Variants in PLEKHG1 observed in about 807,000 individuals in gnomAD.
PLEKHG1 encodes the protein pleckstrin homology domain-containing family G member 1.
In PLEKHG1, 44 loss-of-function variants were observed where a neutral mutation model predicts 100.8. The ratio of observed to expected loss-of-function variants is 0.44; its 90% CI spans 0.34 to 0.56. PLEKHG1 has a LOEUF of 0.56. Among genes scored for constraint, PLEKHG1 ranks in the 20% least tolerant of loss-of-function variants. The pLI, the probability that PLEKHG1 is intolerant of heterozygous loss-of-function variation, is 0.01. For missense variants in PLEKHG1, 1,545 were observed against 1,720.9 expected, an observed-to-expected ratio of 0.90 and a Z score of 1.81; for synonymous variants, 640 against 662.5, an observed-to-expected ratio of 0.97 and a Z score of 0.52.
chr6:150,742,916 G>A (rs1417281254), intron 2 of PLEKHG1, among the ~76,000 whole-genome samples: 1 of 152,146 alleles, frequency 6.6e-6, no homozygotes, highest in African/African-American at 2.4e-5. Flanking sequence ...TTCAGGACAT[G>A]GCTTCTGAGG....
At chr6:150,680,585 G>A (rs1779897495) in intron 3 of PLEKHG1, among the ~76,000 whole-genome samples, 1 of 152,180 alleles carries the variant, frequency 6.6e-6, no homozygotes, top group African/African-American at 2.4e-5. Flanking sequence ...CAGGGAGGTG[G>A]AAAACCAGGA....
chr6:150,763,820 G>A (rs1401743558), intron 2 of PLEKHG1, among the ~76,000 whole-genome samples: 2 of 152,216 alleles, frequency 1.3e-5, no homozygotes, highest in African/African-American at 4.8e-5. Flanking sequence ...CACAGTGGAT[G>A]AGAAAGCATC....
chr6:150,819,020 C>A (rs953867514), intron 11 of PLEKHG1, among the ~76,000 whole-genome samples: 3 of 152,154 alleles, frequency 2.0e-5, no homozygotes, highest in Non-Finnish European at 4.4e-5. Context: ...CATCTCGCAT[C>A]CAACAGACCC....
rs58672381 is a variant in PLEKHG1, at chr6:150,822,150, C to CAAAAAAAAAA, written c.1447+936_1447+945dup. On this transcript the variant is annotated intron_variant, in intron 13 of 15. Coordinates refer to ENST00000358517, the Ensembl canonical transcript of PLEKHG1. ...GCCACCACGCCCAGCCCAAAGGACT[C>CAAAAAAAAAA]AAAAAAAAAAAAAAAAAAAAAAAAA... Among the ~76,000 whole-genome samples the CAAAAAAAAAA allele has an allele frequency of 5.2e-4, 19 of 36,738 alleles. 1 individual carries two copies. The highest frequency in any genetic ancestry group is 1.9e-3 in the South Asian group (1 of 530). The allele number at this position is 36,738 out of a possible 152,430, so 24.1% of individuals were successfully genotyped here.
intron 3 of PLEKHG1, among the ~76,000 whole-genome samples, chr6:150,678,723 G>T (rs1315745770): frequency 6.6e-6 from 1 of 152,148 alleles, no homozygotes; most frequent in Non-Finnish European, 1.5e-5. Flanking sequence ...TTTCAGGGTT[G>T]AATTACAAAT....
At chr6:150,728,633 C>G (rs191773771) in intron 1 of PLEKHG1, among the ~76,000 whole-genome samples, 12 of 151,086 alleles carry the variant, frequency 7.9e-5, no homozygotes, top group Admixed American at 6.6e-4. Context: ...CTCAGTGGCT[C>G]ACACCTGTAA....
At chr6:150,699,490 C>A (rs1780681270) in intron 3 of PLEKHG1, among the ~76,000 whole-genome samples, 1 of 152,212 alleles carries the variant, frequency 6.6e-6, no homozygotes, top group Non-Finnish European at 1.5e-5. Flanking sequence ...ACATTTTAGA[C>A]TCTGAGGTCT....
chr6:150,797,730 G>T (rs1786430582), intron 5 of PLEKHG1, among the ~76,000 whole-genome samples: 1 of 148,142 alleles, frequency 6.8e-6, no homozygotes, highest in African/African-American at 2.5e-5. Context: ...AGCTACTTGG[G>T]ATGCTGAGGC....
At chr6:150,771,412 A>G (rs1784708565) in intron 3 of PLEKHG1, among the ~76,000 whole-genome samples, 1 of 151,596 alleles carries the variant, frequency 6.6e-6, no homozygotes, top group African/African-American at 2.4e-5. Context: ...GTGAGACTCC[A>G]TCTTGAATGA....
rs754605505 is a variant in PLEKHG1 at position 150,831,592 on chromosome 6, A to G, written c.2481A>G (p.Val827=). The G allele has an allele frequency of 6.2e-7, 1 of 1,614,168 alleles. No individual in the cohort carries two copies. Among genetic ancestry groups the G allele is most frequent in the Non-Finnish European group, 8.5e-7 (1 of 1,180,026 alleles). Residue 827 remains valine (V), a synonymous_variant, in exon 15 of 16, where the codon GTA becomes GTG. Coordinates refer to ENST00000358517, the Ensembl canonical transcript of PLEKHG1. This position sits in a 1 kb window ranked among gnomAD's most constrained non-coding sequence, Gnocchi z 4.1. Reference sequence around the variant, plus strand: ...ACTTGTCTATGCCTCATAAGCCTGTATCTGATAAACTGTCCGAAGAAGTAG... The same window carrying G: ...ACTTGTCTATGCCTCATAAGCCTGTGTCTGATAAACTGTCCGAAGAAGTAG...
intron 4 of PLEKHG1, among the ~76,000 whole-genome samples, chr6:150,793,692 G>A (rs1391372899): frequency 2.0e-5 from 3 of 152,258 alleles, no homozygotes; most frequent in African/African-American, 4.8e-5. Context: ...ATTAGAGGAA[G>A]CACAAAACAG....
intron 10 of PLEKHG1, among the ~76,000 whole-genome samples, chr6:150,815,113 T>A (rs955209803): frequency 1.2e-4 from 18 of 152,238 alleles, no homozygotes; most frequent in Admixed American, 1.3e-4. Flanking sequence ...ACTTTCCACA[T>A]CTTTCCTCGA....
chr6:150,814,439 C>G (rs1787736037), intron 10 of PLEKHG1, among the ~76,000 whole-genome samples: 1 of 152,182 alleles, frequency 6.6e-6, no homozygotes, highest in Non-Finnish European at 1.5e-5. Context: ...GTTGTCGATC[C>G]TTTCTATCTA....
intron 1 of PLEKHG1, 142 bp from the exon 3 acceptor site, chr6:150,733,442 C>G (rs1782379670): frequency 1.5e-6 from 1 of 650,050 alleles, no homozygotes; most frequent in East Asian, 3.2e-5. Flanking sequence ...TCTCACTCCA[C>G]CACAGGTACC....
At chr6:150,614,453 G>A (rs537910416) in intron 1 of PLEKHG1, among the ~76,000 whole-genome samples, 2 of 152,310 alleles carry the variant, frequency 1.3e-5, no homozygotes, top group South Asian at 4.1e-4. Flanking sequence ...TAATAATAAT[G>A]GAGAAAGTGT....
At chr6:150,762,001 A>G (rs1249561506) in intron 2 of PLEKHG1, among the ~76,000 whole-genome samples, 1 of 152,136 alleles carries the variant, frequency 6.6e-6, no homozygotes, top group Non-Finnish European at 1.5e-5. Context: ...CAAGAAGGCC[A>G]TTCCTGACAT....
chr6:150,831,691 G>T lies in PLEKHG1; in HGVS notation c.2580G>T (p.Ala860=), dbSNP rs749882256. The T allele has an allele frequency of 1.9e-6, 3 of 1,612,790 alleles. No individual in the cohort carries two copies. The African/African-American group carries it at 4.0e-5, about 22-fold the overall frequency. ...AGGCCAGAGACCGTCTCCTGGCAGCGTTTCCTGTGAGCAAGGATGATGTGC... is the reference window on the plus strand; with the variant it reads ...AGGCCAGAGACCGTCTCCTGGCAGCTTTTCCTGTGAGCAAGGATGATGTGC... Residue 860 remains alanine (A), a synonymous_variant, in exon 15 of 16, where the codon GCG becomes GCT. Transcript: ENST00000358517. This position sits in a 1 kb window ranked among gnomAD's most constrained non-coding sequence, Gnocchi z 4.1.
chr6:150,716,890 C>T (rs1003348776), upstream of PLEKHG1, among the ~76,000 whole-genome samples: 4 of 152,108 alleles, frequency 2.6e-5, no homozygotes, highest in African/African-American at 9.7e-5. Flanking sequence ...CTTGCTCTGT[C>T]ACCCAGGCTG....
intron 3 of PLEKHG1, among the ~76,000 whole-genome samples, chr6:150,673,381 G>A (rs1225666693): frequency 1.3e-5 from 2 of 152,158 alleles, no homozygotes; most frequent in African/African-American, 4.8e-5. Flanking sequence ...GCCAGACATG[G>A]AAGGATCCCC....
Sources: allele counts gnomAD v4.1 joint callset (sites outside exome capture counted in the v4.1 genomes callset), GRCh38; gene constraint gnomAD v4.1.1; non-coding constraint Gnocchi (gnomAD v3.1); transcripts MANE v1.5; gene names NCBI Gene and HGNC (gene_info 2026-07-23, HGNC 2026-07-21).